The following PTK2B variants were observed in gnomAD, a reference collection of about 807,000 sequenced individuals.
PTK2B encodes protein tyrosine kinase 2 beta.
In PTK2B, 71 loss-of-function variants were observed where a neutral mutation model predicts 142.9. The observed-to-expected ratio is 0.50, with a 90% CI of 0.41 to 0.61. The LOEUF (loss-of-function observed/expected upper bound fraction) is 0.61, where lower values mean the gene tolerates loss of function less well. PTK2B is among the 20% of genes least tolerant of loss of function. The pLI is 0.00. For missense variants in PTK2B, 1,105 were observed against 1,320.4 expected (o/e 0.84, Z 2.53); for synonymous variants, 519 against 503.4 (o/e 1.03, Z -0.42).
At chr8:27,316,497 T>G (rs144451567) in intron 3 of PTK2B, among the ~76,000 whole-genome samples, 156 of 152,364 alleles carry the variant, frequency 1.0e-3, no homozygotes, top group Non-Finnish European at 1.9e-3. Flanking sequence ...GGTTTGACTA[T>G]GTTAATATCA....
At chr8:27,324,606 G>A (rs571506696), upstream of PTK2B, among the ~76,000 whole-genome samples, 4 of 152,320 alleles carry the variant, frequency 2.6e-5, no homozygotes, top group East Asian at 5.8e-4. Context: ...TCCAGGGGGC[G>A]CCATTCTCAG....
At chr8:27,436,455 GC>G in intron 15 of PTK2B, 107 bp downstream of exon 15, 2 of 1,003,790 alleles carry the variant, frequency 2.0e-6, no homozygotes, top group Non-Finnish European at 1.6e-6. Context: ...TCCACTTGGG[GC>G]CCCTTGTCCC....
In PTK2B at chr8:27,363,291, G is replaced by A. The variant is rs79943528; in HGVS notation, c.-37-34257G>A. The stretch of plus-strand genomic sequence containing the variant: ...TTGGAGGAACTGAGGCAGGTCCAGG[G>A]AAGGCCTGGGAGAGCAGAGGAGCTG... On this transcript the variant is annotated intron_variant, in intron 1 of 30. Transcript: ENST00000346049. The surrounding 1 kb of genome is among the most constrained non-coding windows in gnomAD (Gnocchi z 4.3). Among the ~76,000 whole-genome samples, 87 of 152,320 alleles carry A rather than the reference G, an allele frequency of 5.7e-4. No individual in the cohort carries two copies. In the East Asian group the frequency reaches 0.014, roughly 24 times the overall value.
intron 2 of PTK2B, among the ~76,000 whole-genome samples, chr8:27,414,222 G>A (rs1203725238): frequency 6.6e-6 from 1 of 151,284 alleles, no homozygotes; most frequent in Non-Finnish European, 1.5e-5. Flanking sequence ...GTGCTGGGGT[G>A]TGCAATCACT....
chr8:27,350,209 T>C (rs1343587368), intron 1 of PTK2B, among the ~76,000 whole-genome samples: 2 of 152,232 alleles, frequency 1.3e-5, no homozygotes, highest in African/African-American at 2.4e-5. Context: ...CAGTGGAATT[T>C]GCAAATGGAG....
intron 2 of PTK2B, among the ~76,000 whole-genome samples, chr8:27,405,766 C>A (rs893744672): frequency 2.0e-5 from 3 of 152,212 alleles, no homozygotes; most frequent in African/African-American, 7.2e-5. Context: ...TATTTTTAAT[C>A]TGGTAGTTGC....
At chr8:27,458,222 C>T in intron 30 of PTK2B, 72 bp from the exon 31 acceptor site, 2 of 1,475,672 alleles carry the variant, frequency 1.4e-6, no homozygotes. Flanking sequence ...AGGTGGACAC[C>T]TCTGTGGCTT....
chr8:27,388,968 C>T (rs531271667), intron 1 of PTK2B, among the ~76,000 whole-genome samples: 1 of 152,208 alleles, frequency 6.6e-6, no homozygotes, highest in Non-Finnish European at 1.5e-5. Context: ...CCCTCTTCAC[C>T]AGCCCTACAG....
chr8:27,456,499 G>A (rs1472985620), intron 30 of PTK2B, among the ~76,000 whole-genome samples: 1 of 152,108 alleles, frequency 6.6e-6, no homozygotes. Context: ...CTGCTCCTCC[G>A]ACCATGCATT....
At chr8:27,365,043 T>G (rs1805935559) in intron 1 of PTK2B, among the ~76,000 whole-genome samples, 1 of 152,146 alleles carries the variant, frequency 6.6e-6, no homozygotes, top group Non-Finnish European at 1.5e-5. Flanking sequence ...ACATTCTAAG[T>G]TTTTCTGATA....
At chr8:27,433,247 G>T in intron 10 of PTK2B, 188 bp from the exon 11 acceptor site, 1 of 579,660 alleles carries the variant, frequency 1.7e-6, no homozygotes, top group Non-Finnish European at 3.1e-6. Flanking sequence ...TGGAGAGCAT[G>T]GGCGTACAGG....
rs773923338 is a variant in PTK2B, at chr8:27,434,086, T to G, written c.1106-7T>G. On this transcript the variant is annotated splice_region_variant and splice_polypyrimidine_tract_variant and intron_variant, in intron 11 of 30. Transcript: ENST00000346049. The stretch of plus-strand genomic sequence containing the variant: ...CTCCAACCTCCTCCTTCCTCCTCTC[T>G]TCCTAGATGGTGAGAAGCGGAACAG... 2 of 1,614,068 alleles carry G rather than the reference T, an allele frequency of 1.2e-6. No individual in the cohort carries two copies. The highest frequency in any genetic ancestry group is 1.3e-5 in the African/African-American group (1 of 75,022).
rs527602550 is a variant in PTK2B at position 27,436,462 on chromosome 8, G to C, written c.1341+114G>C. ...AGCCTTCATCCACTTGGGGCCCCTT[G>C]TCCCTAAGGGCCTCTTGTCCACTGG... is the stretch of plus-strand genomic sequence containing the variant. On this transcript the variant is annotated intron_variant, in intron 15 of 30. Transcript: ENST00000346049. The C allele has an allele frequency of 7.2e-6, 6 of 829,472 alleles. No individual in the cohort carries two copies. In the East Asian group the frequency reaches 1.5e-4, roughly 20 times the overall value. 51.4% of individuals were successfully genotyped at this position (829,472 alleles called of 1,614,324 possible).
chr8:27,338,088 G>GT (rs1343287351), intron 1 of PTK2B, among the ~76,000 whole-genome samples: 1 of 152,076 alleles, frequency 6.6e-6, no homozygotes, highest in Non-Finnish European at 1.5e-5. Context: ...TCTTACTGTG[G>GT]TTTTCAGTTG....
chr8:27,391,279 T>A lies in PTK2B; in HGVS notation c.-37-6269T>A, dbSNP rs192080748. Among the ~76,000 whole-genome samples, 223 of 152,180 alleles carry A rather than the reference T, an allele frequency of 1.5e-3. 1 individual carries two copies. The highest frequency in any genetic ancestry group is 5.2e-3 in the African/African-American group (214 of 41,520). Reference sequence around the variant, plus strand: ...ACCCAACTAATTTTTGTATTTTTAGTAGAGAAGGGGTTTCACCATGTTGAT... The same window carrying A: ...ACCCAACTAATTTTTGTATTTTTAGAAGAGAAGGGGTTTCACCATGTTGAT... On this transcript the variant is annotated intron_variant, in intron 1 of 30. Coordinates refer to ENST00000346049, the MANE Select transcript of PTK2B (RefSeq NM_173176.3).
At chr8:27,311,227 C>T, upstream of PTK2B, 4 of 1,547,832 alleles carry the variant, frequency 2.6e-6, no homozygotes, top group Non-Finnish European at 3.5e-6. Flanking sequence ...CGTCGGGACT[C>T]CGCTCCATGG....
Position 27,458,612 on chromosome 8 carries a change from G to GAAGGT in PTK2B, c.*103_*104insAAGGT. On this transcript the variant is annotated 3_prime_UTR_variant, in exon 31 of 31. Transcript: ENST00000346049. ...GGGTCTTCCAGGGGGAAGGCCAAGG[G>GAAGGT]GAGTCACCTTCCCTTGCCACTTTGC... is the stretch of plus-strand genomic sequence containing the variant. The GAAGGT allele has an allele frequency of 8.1e-7, 1 of 1,234,056 alleles. No individual in the cohort carries two copies. Among genetic ancestry groups the GAAGGT allele is most frequent in the Non-Finnish European group, 1.1e-6 (1 of 886,676 alleles). 76.4% of individuals were successfully genotyped at this position (1,234,056 alleles called of 1,614,324 possible). A position where few individuals can be genotyped will look rare whatever the true frequency, so the allele number is the denominator to read the frequency against.
chr8:27,372,348 G>A (rs527400698), intron 1 of PTK2B, among the ~76,000 whole-genome samples: 7 of 152,264 alleles, frequency 4.6e-5, no homozygotes, highest in African/African-American at 1.7e-4. Flanking sequence ...ATCTGCAGTC[G>A]GCAGGCTCAA....
intron 2 of PTK2B, among the ~76,000 whole-genome samples, chr8:27,414,947 T>C (rs1432700828): frequency 1.3e-5 from 2 of 152,100 alleles, no homozygotes; most frequent in Admixed American, 1.3e-4. Flanking sequence ...GAAAAGAAGA[T>C]AGAAAGGTAG....
Sources: allele counts gnomAD v4.1 joint callset (sites outside exome capture counted in the v4.1 genomes callset), GRCh38; gene constraint gnomAD v4.1.1; non-coding constraint Gnocchi (gnomAD v3.1); transcripts MANE v1.5; gene names NCBI Gene and HGNC (gene_info 2026-07-23, HGNC 2026-07-21).